MRPL44: variants seen among roughly 807,000 people sequenced by gnomAD.
MRPL44 encodes the protein large ribosomal subunit protein mL44.
A neutral mutation model predicts 25.9 loss-of-function variants in MRPL44; 21 were observed. The ratio of observed to expected loss-of-function variants is 0.81; its 90% CI spans 0.58 to 1.17. The LOEUF is 1.17. Ranked by LOEUF, MRPL44 falls within the 50% of genes most tolerant of loss-of-function variation. The pLI is 0.00. For synonymous variants in MRPL44, 169 were observed against 151.0 expected (o/e 1.12, Z -0.87); for missense variants, 410 against 398.9 (o/e 1.03, Z -0.24).
chr2:223,964,245 A>T (rs1222917744), intron 3 of MRPL44, among the ~76,000 whole-genome samples: 1 of 152,194 alleles, frequency 6.6e-6, no homozygotes, highest in Non-Finnish European at 1.5e-5. Flanking sequence ...AGAAGTACAA[A>T]TGTTGACTTG....
chr2:223,957,371 G>A, upstream of MRPL44: 1 of 1,479,210 alleles, frequency 6.8e-7, no homozygotes, highest in Non-Finnish European at 9.4e-7. Flanking sequence ...CTCCGCCCCA[G>A]CCTTCTCTTC....
upstream of MRPL44, chr2:223,957,289 C>G (rs972813674): frequency 6.0e-6 from 4 of 661,250 alleles, no homozygotes; most frequent in Middle Eastern, 7.2e-4. Context: ...AGCCTCAAGG[C>G]GGCCGCAATC....
At chr2:223,953,564 T>C (rs1183087441), upstream of MRPL44, among the ~76,000 whole-genome samples, 1 of 152,250 alleles carries the variant, frequency 6.6e-6, no homozygotes, top group African/African-American at 2.4e-5. Flanking sequence ...ATCTGTTCAG[T>C]ACATGTTAAA....
At chr2:223,962,487 T>A (rs1689678667) in intron 2 of MRPL44, among the ~76,000 whole-genome samples, 2 of 152,234 alleles carry the variant, frequency 1.3e-5, no homozygotes, top group Non-Finnish European at 2.9e-5. Flanking sequence ...ATATTACTAA[T>A]GTTTGTTAAT....
chr2:223,962,465 C>T (rs1474267279), intron 2 of MRPL44, among the ~76,000 whole-genome samples: 1 of 151,194 alleles, frequency 6.6e-6, no homozygotes, highest in East Asian at 1.9e-4. Flanking sequence ...TCCATCCATC[C>T]ATCCTGTTAT....
intron 3 of MRPL44, among the ~76,000 whole-genome samples, chr2:223,966,237 A>C (rs1340837005): frequency 2.0e-4 from 1 of 5,120 alleles, no homozygotes; most frequent in African/African-American, 3.7e-4. Context: ...CTCAGTCTCA[A>C]AAAAAAAAAA....
chr2:223,965,862 TTC>T (rs1185432319), intron 3 of MRPL44: 1 of 152,094 alleles, frequency 6.6e-6, no homozygotes, highest in Non-Finnish European at 1.5e-5. Flanking sequence ...ACTATTTATC[TTC>T]TTTCTTTTTT....
intron 2 of MRPL44, among the ~76,000 whole-genome samples, chr2:223,961,788 A>T (rs892654608): frequency 6.6e-6 from 1 of 152,182 alleles, no homozygotes; most frequent in Non-Finnish European, 1.5e-5. Context: ...AATTATTAAG[A>T]CCAGGAGCAA....
rs548533685 is a variant in MRPL44 at position 223,967,144 on chromosome 2, G to GT, written c.*116dup. The GT allele has an allele frequency of 2.5e-4, 265 of 1,059,220 alleles. 1 individual carries two copies. In the African/African-American group the frequency reaches 3.2e-3, roughly 13 times the overall value. The allele number at this position is 1,059,220 out of a possible 1,614,324, so 65.6% of individuals were successfully genotyped here. A position where few individuals can be genotyped will look rare whatever the true frequency, so the allele number is the denominator to read the frequency against. ...GTGAAGAAATAGATGTTTTGTTTCT[G>GT]TTTTTTACTGTGTTCCCAAAATTAA... On this transcript the variant is annotated 3_prime_UTR_variant, in exon 4 of 4. Coordinates refer to ENST00000258383, the MANE Select transcript of MRPL44 (RefSeq NM_022915.5).
chr2:223,966,752 T>C lies in MRPL44; in HGVS notation c.828-111T>C, dbSNP rs1212323602. Reference sequence around the variant, plus strand: ...TCTATCAGAGCTATTGTGTTACTTCTAATGGGTATTATTGAAATAGATGTA... The same window carrying C: ...TCTATCAGAGCTATTGTGTTACTTCCAATGGGTATTATTGAAATAGATGTA... On this transcript the variant is annotated intron_variant, in intron 3 of 3. Transcript: ENST00000258383. 3.3e-6 allele frequency: 3 copies of C among 912,608 alleles called. No homozygotes were observed. In the Admixed American group the frequency reaches 7.8e-5, roughly 24 times the overall value. 56.5% of individuals were successfully genotyped at this position (912,608 alleles called of 1,614,324 possible).
chr2:223,966,248 A>T (rs1193557131), intron 3 of MRPL44, among the ~76,000 whole-genome samples: 1 of 152,086 alleles, frequency 6.6e-6, no homozygotes, highest in Non-Finnish European at 1.5e-5. Flanking sequence ...AAAAAAAAAA[A>T]AAAAGTGTGA....
intron 1 of MRPL44, among the ~76,000 whole-genome samples, chr2:223,957,940 T>C (rs1689597966): frequency 6.6e-6 from 1 of 152,162 alleles, no homozygotes; most frequent in Non-Finnish European, 1.5e-5. Flanking sequence ...TATGTGGACT[T>C]GGATGTTGTA....
Position 223,963,782 on chromosome 2 carries a change from A to G in MRPL44, c.675A>G (p.Gly225=), listed in dbSNP as rs972934422. Residue 225 remains glycine, a synonymous_variant, in exon 3 of 4, where the codon GGA becomes GGG. Coordinates refer to ENST00000258383, the MANE Select transcript of MRPL44 (RefSeq NM_022915.5). Reference sequence around the variant, plus strand: ...ACTTCTTAATTACTCAAATGACTGGAAAAGAGCTCTTTGAGATGTGGAAGA... The same window carrying G: ...ACTTCTTAATTACTCAAATGACTGGGAAAGAGCTCTTTGAGATGTGGAAGA... ...IRDFLITQMT[G]KELFEMWKII... The G allele has an allele frequency of 1.1e-5, 18 of 1,608,506 alleles. No individual in the cohort carries two copies. The highest frequency in any genetic ancestry group is 1.5e-5 in the Non-Finnish European group (18 of 1,177,870).
intron 3 of MRPL44, among the ~76,000 whole-genome samples, chr2:223,964,316 TG>T (rs1689711803): frequency 6.6e-6 from 1 of 152,200 alleles, no homozygotes. Flanking sequence ...AGCCTAGAAC[TG>T]GAAAAGGAAG....
At chr2:223,955,159 T>C (rs1689545633), upstream of MRPL44, among the ~76,000 whole-genome samples, 1 of 152,242 alleles carries the variant, frequency 6.6e-6, no homozygotes, top group African/African-American at 2.4e-5. Context: ...AGTTTTACTA[T>C]CATGAGTTTT....
Position 223,959,898 on chromosome 2 carries a change from G to A in MRPL44, c.544G>A (p.Glu182Lys). The change falls in exon 2 of 4, where the codon GAA (glutamate) becomes AAA (lysine). Residue 182 changes from glutamate (E) to lysine (K), a missense_variant. Physicochemically the swap from Glu to Lys is moderately conservative, Grantham distance 56 (BLOSUM62 1). Coordinates refer to ENST00000258383, the MANE Select transcript of MRPL44 (RefSeq NM_022915.5). ...GGCTGTGGAGCAGTTAACACTGAGTGAAGAATTCCCAGTGCCCCCAGCTGT... is the reference window on the plus strand; with the variant it reads ...GGCTGTGGAGCAGTTAACACTGAGTAAAGAATTCCCAGTGCCCCCAGCTGT... ...NLAVEQLTLS[E>K]EFPVPPAVLQ... The A allele has an allele frequency of 1.9e-6, 3 of 1,614,170 alleles. No homozygotes were observed. Among genetic ancestry groups the A allele is most frequent in the African/African-American group, 2.7e-5 (2 of 75,040 alleles).
At chr2:223,961,432 G>A (rs1429621244) in intron 2 of MRPL44, among the ~76,000 whole-genome samples, 2 of 152,228 alleles carry the variant, frequency 1.3e-5, no homozygotes, top group African/African-American at 4.8e-5. Context: ...GTATTACTAA[G>A]AAAGTGGTTT....
upstream of MRPL44, among the ~76,000 whole-genome samples, chr2:223,953,995 A>G (rs1689529448): frequency 6.6e-6 from 1 of 152,232 alleles, no homozygotes; most frequent in Non-Finnish European, 1.5e-5. Flanking sequence ...TCAGTTTAGC[A>G]GAAACATCAA....
chr2:223,957,891 G>A (rs977532620), intron 1 of MRPL44, among the ~76,000 whole-genome samples: 3 of 152,196 alleles, frequency 2.0e-5, no homozygotes, highest in African/African-American at 7.2e-5. Flanking sequence ...TTTGGCTACT[G>A]AAAATTGGGA....
Sources: gnomAD v4.1 joint callset for allele counts (sites outside exome capture counted in the v4.1 genomes callset) on GRCh38, gnomAD v4.1.1 for gene constraint, MANE v1.5 for transcripts, NCBI Gene and HGNC (gene_info 2026-07-23, HGNC 2026-07-21) for gene names.